CCNT1: variants seen among roughly 807,000 people sequenced by gnomAD.
CCNT1 encodes cyclin T1.
Under a neutral mutation model 67.3 loss-of-function variants are expected in CCNT1, and 18 were observed. That is an observed-to-expected ratio of 0.27 (90% CI 0.18 to 0.40). CCNT1 has a LOEUF of 0.40. Among genes scored for constraint, CCNT1 ranks in the 10% least tolerant of loss-of-function variants. CCNT1 has a pLI of 1.00. For missense variants in CCNT1, 744 were observed against 884.9 expected (o/e 0.84, Z 2.02); for synonymous variants, 333 against 310.3 (o/e 1.07, Z -0.77).
chr12:48,699,345 A>T (rs904226589), intron 5 of CCNT1, among the ~76,000 whole-genome samples: 9 of 152,212 alleles, frequency 5.9e-5, no homozygotes, highest in Non-Finnish European at 1.0e-4. Flanking sequence ...TAAATAAGAG[A>T]GTTTCATTCA....
chr12:48,704,910 G>A lies in CCNT1; in HGVS notation c.372+858C>T, dbSNP rs137905521. On this transcript the variant is annotated intron_variant, in intron 3 of 8. Coordinates refer to ENST00000261900, the MANE Select transcript of CCNT1 (RefSeq NM_001240.4). ...AATGTAACAATAATAGAAATAAAGT[G>A]AACAATAAATGTAATGTGCTTGAAT... Among the ~76,000 whole-genome samples the A allele has an allele frequency of 2.6e-3, 402 of 152,186 alleles. 4 individuals carry two copies. Among genetic ancestry groups the A allele is most frequent in the Non-Finnish European group, 4.4e-3 (297 of 67,994 alleles).
At chr12:48,714,888 C>T (rs961205161) in intron 1 of CCNT1, among the ~76,000 whole-genome samples, 1 of 152,222 alleles carries the variant, frequency 6.6e-6, no homozygotes, top group Non-Finnish European at 1.5e-5. Context: ...TCTTGGCCCA[C>T]TGAAACCTCT....
chr12:48,713,687 G>A (rs1437829818), intron 2 of CCNT1, among the ~76,000 whole-genome samples: 5 of 152,106 alleles, frequency 3.3e-5, no homozygotes, highest in Admixed American at 2.6e-4. Flanking sequence ...GGGAGGCTAC[G>A]GCAGGAGGAC....
Position 48,694,220 on chromosome 12 carries a change from T to C in CCNT1, c.994A>G (p.Lys332Glu), listed in dbSNP as rs770192921. ...NLTSVEMLPG[K>E]RWLSSQPSFK... ...GAAGGTTGGGAGGACAGCCAACGCT[T>C]GCCCGGCAACATCTCCACACTGGTT... The change falls in exon 9 of 9, where the codon AAG becomes GAG. Residue 332 changes from lysine to glutamate, a missense_variant. This residue lies in a region of CCNT1 where 564 missense variants were observed against 574.2 expected (regional missense o/e 0.98). Transcript: ENST00000261900. 148 of 1,614,112 alleles carry C rather than the reference T, an allele frequency of 9.2e-5. No homozygotes were observed. The highest frequency in any genetic ancestry group is 1.2e-4 in the Non-Finnish European group (147 of 1,180,048).
rs1269674596 is a variant in CCNT1 at position 48,690,747 on chromosome 12, A to G, written c.*2286T>C. On this transcript the variant is annotated 3_prime_UTR_variant, in exon 9 of 9. Coordinates refer to ENST00000261900, the MANE Select transcript of CCNT1 (RefSeq NM_001240.4). ...TAAGGAACTTTACTACAGTACGGCC[A>G]TGGATAACTGCTATGAGGCCAAATG... The G allele has an allele frequency of 6.6e-6, 1 of 152,208 alleles. No individual in the cohort carries two copies. The highest frequency in any genetic ancestry group is 1.5e-5 in the Non-Finnish European group (1 of 68,022). 9.4% of individuals were successfully genotyped at this position (152,208 alleles called of 1,614,324 possible).
At chr12:48,697,522 T>TAAAAAAAAAAAAAAAAAAAAAA (rs1205232506) in intron 6 of CCNT1, among the ~76,000 whole-genome samples, 1 of 116,824 alleles carries the variant, frequency 8.6e-6, no homozygotes, top group African/African-American at 3.4e-5. Flanking sequence ...GACTCTGTCT[T>TAAAAAAAAAAAAAAAAAAAAAA]AAAAAAAAAA....
At chr12:48,697,534 A>AAAAAAAAAAAAAAAAAT (rs1288926072) in intron 6 of CCNT1, among the ~76,000 whole-genome samples, 4 of 130,692 alleles carry the variant, frequency 3.1e-5, no homozygotes, top group African/African-American at 1.2e-4. Flanking sequence ...AAAAAAAAAA[A>AAAAAAAAAAAAAAAAAT]ATATATATAT....
rs1055164246 is a variant in CCNT1 at position 48,708,619 on chromosome 12, T to G, written c.244-2723A>C. On this transcript the variant is annotated intron_variant, in intron 2 of 8. Transcript: ENST00000261900. ...GAAAAAAGAAACACAGGCATCACTT[T>G]GTAAAACTAATAGGGCTGCACTAAA... 3.3e-5 allele frequency among the ~76,000 whole-genome samples: 5 copies of G among 152,246 alleles called. No individual in the cohort carries two copies. The East Asian group carries it at 9.6e-4, about 29-fold the overall frequency.
At chr12:48,701,217 CTTTTTTTT>C (rs539754445) in intron 3 of CCNT1, 144 bp from the exon 4 acceptor site, 17 of 92,942 alleles carry the variant, frequency 1.8e-4, no homozygotes, top group South Asian at 2.5e-4. Flanking sequence ...GAAATACAAT[CTTTTTTTT>C]TTTTTTTTTT....
intron 3 of CCNT1, among the ~76,000 whole-genome samples, chr12:48,704,916 T>C (rs1472500253): frequency 6.6e-6 from 1 of 152,090 alleles, no homozygotes; most frequent in Non-Finnish European, 1.5e-5. Context: ...AAGTGAACAA[T>C]AAATGTAATG....
At chr12:48,707,402 C>G (rs1251821334) in intron 2 of CCNT1, among the ~76,000 whole-genome samples, 1 of 151,560 alleles carries the variant, frequency 6.6e-6, no homozygotes, top group African/African-American at 2.4e-5. Context: ...CCCATCTCAG[C>G]CTTCGAAGTA....
At chr12:48,707,525 C>A (rs1374542937) in intron 2 of CCNT1, among the ~76,000 whole-genome samples, 1 of 152,054 alleles carries the variant, frequency 6.6e-6, no homozygotes, top group Non-Finnish European at 1.5e-5. Flanking sequence ...TCAAGTAATT[C>A]TGTCTCTGCC....
At position 48,693,371 on chromosome 12, in the gene CCNT1, C is replaced by T. The variant is rs1940111357; in HGVS notation, c.1843G>A (p.Gly615Arg). Reference sequence around the variant, plus strand: ...AGGCCACTTGTGTCTGAGCTATGCCCAGGCATCTGACCCATTGTAGGAAGT... The same window carrying T: ...AGGCCACTTGTGTCTGAGCTATGCCTAGGCATCTGACCCATTGTAGGAAGT... The part of the protein sequence containing the change: ...PSLPTMGQMP[G>R]HSSDTSGLSF... The change falls in exon 9 of 9, where the codon GGG becomes AGG. Residue 615 changes from glycine (G) to arginine (R), a missense_variant. Coordinates refer to ENST00000261900, the MANE Select transcript of CCNT1 (RefSeq NM_001240.4). 1.2e-6 allele frequency: 2 copies of T among 1,614,088 alleles called. No individual in the cohort carries two copies. The highest frequency in any genetic ancestry group is 1.7e-6 in the Non-Finnish European group (2 of 1,180,060).
In CCNT1 at chr12:48,690,923, C is replaced by A. The variant is rs1474781756; in HGVS notation, c.*2110G>T. 6.6e-6 allele frequency: 1 copy of A among 152,164 alleles called. No homozygotes were observed. Among genetic ancestry groups the A allele is most frequent in the Admixed American group, 6.5e-5 (1 of 15,276 alleles). The allele number at this position is 152,164 out of a possible 1,614,324, so 9.4% of individuals were successfully genotyped here. On this transcript the variant is annotated 3_prime_UTR_variant, in exon 9 of 9. Transcript: ENST00000261900. ...ACAGATGCAGACTAAATGGCACATT[C>A]CCTTTTGGAAACAGACTCCAACAAA...
In CCNT1 at chr12:48,693,014, TCC is replaced by T; in HGVS notation, c.*17_*18del. 1 of 1,472,400 alleles carries T rather than the reference TCC, an allele frequency of 6.8e-7. No homozygotes were observed. Among genetic ancestry groups the T allele is most frequent in the Non-Finnish European group, 9.1e-7 (1 of 1,093,886 alleles). 91.2% of individuals were successfully genotyped at this position (1,472,400 alleles called of 1,614,324 possible). ...GTGTTTTTTTAAAGAAGTTTTTTTCTCCTCTTCTTTTTCTTTTTTTACTTAGG... is the reference window on the plus strand; with the variant it reads ...GTGTTTTTTTAAAGAAGTTTTTTTCTTCTTCTTTTTCTTTTTTTACTTAGG... On this transcript the variant is annotated 3_prime_UTR_variant, in exon 9 of 9. Transcript: ENST00000261900.
At chr12:48,700,606 C>T (rs1452461178) in intron 4 of CCNT1, among the ~76,000 whole-genome samples, 1 of 152,162 alleles carries the variant, frequency 6.6e-6, no homozygotes, top group African/African-American at 2.4e-5. Context: ...CATGCAACCA[C>T]TAAAGCTTAA....
chr12:48,690,096 G>A lies in CCNT1; in HGVS notation c.*2937C>T, dbSNP rs1940049223. The A allele has an allele frequency of 6.6e-6, 1 of 152,210 alleles. No homozygotes were observed. The highest frequency in any genetic ancestry group is 1.5e-5 in the Non-Finnish European group (1 of 68,058). 9.4% of individuals were successfully genotyped at this position (152,210 alleles called of 1,614,324 possible). A position where few individuals can be genotyped will look rare whatever the true frequency, so the allele number is the denominator to read the frequency against. On this transcript the variant is annotated 3_prime_UTR_variant, in exon 9 of 9. Coordinates refer to ENST00000261900, the MANE Select transcript of CCNT1 (RefSeq NM_001240.4). ...ATTTTCTAAACTCAAAAGCATAACT[G>A]ATACTTCAGAAGACCGATTTGGATC...
At chr12:48,708,583 T>A (rs1338160981) in intron 2 of CCNT1, among the ~76,000 whole-genome samples, 9 of 151,480 alleles carry the variant, frequency 5.9e-5, no homozygotes, top group Non-Finnish European at 1.0e-4. Flanking sequence ...ACACTAGCAG[T>A]AGAAATAAAG....
chr12:48,711,314 A>T (rs1210828668), intron 2 of CCNT1, among the ~76,000 whole-genome samples: 1 of 151,796 alleles, frequency 6.6e-6, no homozygotes, highest in South Asian at 2.1e-4. Flanking sequence ...TGGGAGGTGG[A>T]GGTTGCAGTG....
Sources: allele counts gnomAD v4.1 joint callset (sites outside exome capture counted in the v4.1 genomes callset), GRCh38; gene constraint gnomAD v4.1.1; regional missense constraint gnomAD v4.1.1; transcripts MANE v1.5; gene names NCBI Gene and HGNC (gene_info 2026-07-23, HGNC 2026-07-21).